The following NRG3 variants were observed in gnomAD, a reference collection of about 807,000 sequenced individuals.
The protein encoded by NRG3 is pro-neuregulin-3, membrane-bound isoform.
In NRG3, 31 loss-of-function variants were observed where a neutral mutation model predicts 66.9. The observed-to-expected ratio is 0.46, with a 90% CI of 0.35 to 0.63. The LOEUF (loss-of-function observed/expected upper bound fraction) is 0.63, where lower values mean the gene tolerates loss of function less well. Ranked by LOEUF, NRG3 falls within the 20% of genes least tolerant of loss-of-function variation. NRG3 has a pLI of 0.00. For synonymous variants in NRG3, 393 were observed against 359.4 expected, an observed-to-expected ratio of 1.09 and a Z score of -1.06; for missense variants, 910 against 878.9, an observed-to-expected ratio of 1.04 and a Z score of -0.45.
chr10:82,867,904 A>G (rs1840917112), intron 4 of NRG3, among the ~76,000 whole-genome samples: 1 of 152,168 alleles, frequency 6.6e-6, no homozygotes. Flanking sequence ...AGTGATTCGT[A>G]GCATGGAGGT....
At chr10:82,358,286 GA>G (rs58060495) in intron 1 of NRG3, among the ~76,000 whole-genome samples, 58,320 of 151,184 alleles carry the variant, frequency 0.39, 16,496 homozygotes, top group African/African-American at 0.79. Flanking sequence ...AGCTGTAACT[GA>G]AAAAAAAATC....
intron 1 of NRG3, among the ~76,000 whole-genome samples, chr10:81,910,016 C>T (rs1844972378): frequency 6.6e-6 from 1 of 152,106 alleles, no homozygotes; most frequent in African/African-American, 2.4e-5. Context: ...CTATTGCACA[C>T]TAAAAAAGCC....
chr10:82,545,625 C>T (rs970120879), intron 2 of NRG3, among the ~76,000 whole-genome samples: 5 of 151,112 alleles, frequency 3.3e-5, no homozygotes, highest in African/African-American at 1.2e-4. Flanking sequence ...TCGTGATCCG[C>T]CCGCCTCGGC....
intron 2 of NRG3, among the ~76,000 whole-genome samples, chr10:82,385,811 C>G (rs1294931950): frequency 6.6e-6 from 1 of 151,946 alleles, no homozygotes. Flanking sequence ...TGTAAAGGGG[C>G]AAGAGGTATA....
chr10:82,083,304 T>C (rs1285989203), intron 1 of NRG3, among the ~76,000 whole-genome samples: 1 of 151,892 alleles, frequency 6.6e-6, no homozygotes, highest in Non-Finnish European at 1.5e-5. Flanking sequence ...ATATACATAA[T>C]TGCTATAATA....
At chr10:81,936,135 G>A (rs1304600810) in intron 1 of NRG3, among the ~76,000 whole-genome samples, 1 of 152,130 alleles carries the variant, frequency 6.6e-6, no homozygotes, top group Admixed American at 6.6e-5. Context: ...GAACAGTGGA[G>A]AAAGTGAATA....
chr10:82,829,950 C>T (rs980530438), intron 3 of NRG3, among the ~76,000 whole-genome samples: 1 of 152,176 alleles, frequency 6.6e-6, no homozygotes, highest in Non-Finnish European at 1.5e-5. Context: ...CAAGTGAGTA[C>T]TAGTTGCCAT....
intron 1 of NRG3, among the ~76,000 whole-genome samples, chr10:81,929,753 C>G (rs12241007): frequency 0.071 from 10,820 of 152,200 alleles, 763 homozygotes; most frequent in East Asian, 0.22. Context: ...AGAATCACCT[C>G]AGTTTATTCC....
intron 2 of NRG3, among the ~76,000 whole-genome samples, chr10:82,501,475 C>T (rs750380931): frequency 6.6e-6 from 1 of 152,090 alleles, no homozygotes; most frequent in Non-Finnish European, 1.5e-5. Flanking sequence ...CATGACCTGC[C>T]AGCCCCTTCC....
chr10:82,199,212 A>G (rs1320796485), intron 1 of NRG3, among the ~76,000 whole-genome samples: 1 of 151,770 alleles, frequency 6.6e-6, no homozygotes, highest in Non-Finnish European at 1.5e-5. Context: ...TAACTCAAGT[A>G]ACAATAACTA....
At chr10:82,188,683 C>T (rs1284275765) in intron 1 of NRG3, among the ~76,000 whole-genome samples, 1 of 152,058 alleles carries the variant, frequency 6.6e-6, no homozygotes, top group Non-Finnish European at 1.5e-5. Flanking sequence ...CTACAAATGG[C>T]AAACACCTAT....
intron 1 of NRG3, among the ~76,000 whole-genome samples, chr10:82,327,141 G>A (rs1377765206): frequency 6.6e-6 from 1 of 152,138 alleles, no homozygotes; most frequent in Admixed American, 6.5e-5. Flanking sequence ...AAGAACCAAG[G>A]AGAGTATTTG....
chr10:82,360,034 C>A (rs754096440), intron 2 of NRG3, among the ~76,000 whole-genome samples: 3 of 152,168 alleles, frequency 2.0e-5, no homozygotes, highest in Non-Finnish European at 4.4e-5. Flanking sequence ...ACCATATGTC[C>A]TGTGTCAGGA....
chr10:82,791,940 A>C (rs563098290), intron 3 of NRG3, among the ~76,000 whole-genome samples: 1 of 152,180 alleles, frequency 6.6e-6, no homozygotes, highest in Admixed American at 6.5e-5. Flanking sequence ...TGTTTAGTGG[A>C]CTTCTAGTTT....
chr10:82,412,445 C>A (rs1490799781), intron 2 of NRG3, among the ~76,000 whole-genome samples: 4 of 152,072 alleles, frequency 2.6e-5, no homozygotes, highest in Non-Finnish European at 4.4e-5. Context: ...TTAAAAAACA[C>A]TTTATTGATT....
intron 5 of NRG3, among the ~76,000 whole-genome samples, chr10:82,954,800 TTG>T (rs113113874): frequency 0.4 from 58,783 of 146,600 alleles, 11,890 homozygotes; most frequent in Middle Eastern, 0.52. Context: ...CTGGCACAAG[TTG>T]TGTGTGTGTG....
intron 1 of NRG3, among the ~76,000 whole-genome samples, chr10:82,091,627 A>G (rs57219515): frequency 0.038 from 5,747 of 152,262 alleles, 149 homozygotes; most frequent in East Asian, 0.1. Flanking sequence ...GACCAGCTGT[A>G]CAAACAGATA....
chr10:82,348,158 A>G (rs2083161620), intron 1 of NRG3, among the ~76,000 whole-genome samples: 2 of 152,154 alleles, frequency 1.3e-5, no homozygotes, highest in African/African-American at 4.8e-5. Context: ...GTTTCTTCCT[A>G]GCCTCGATGG....
intron 2 of NRG3, among the ~76,000 whole-genome samples, chr10:82,672,185 C>T (rs1027335518): frequency 1.3e-5 from 2 of 151,956 alleles, no homozygotes; most frequent in African/African-American, 4.8e-5. Flanking sequence ...CTCAAGCAGG[C>T]GAGAGTACTA....
Sources: gnomAD v4.1 joint callset for allele counts (sites outside exome capture counted in the v4.1 genomes callset) on GRCh38, gnomAD v4.1.1 for gene constraint, MANE v1.5 for transcripts, NCBI Gene and HGNC (gene_info 2026-07-23, HGNC 2026-07-21) for gene names.